PACRG: variants seen among roughly 807,000 people sequenced by gnomAD.
PACRG encodes parkin coregulated gene protein.
PACRG carries 29 observed loss-of-function variants against 29.7 expected under a neutral mutation model. The ratio of observed to expected loss-of-function variants is 0.98; its 90% CI spans 0.73 to 1.33. PACRG has a LOEUF of 1.33. Ranked by LOEUF, PACRG falls within the 40% of genes most tolerant of loss-of-function variation. The pLI, the probability that PACRG is intolerant of heterozygous loss-of-function variation, is 0.00. For missense variants in PACRG, 279 were observed against 316.2 expected, an observed-to-expected ratio of 0.88 and a Z score of 0.89; for synonymous variants, 116 against 118.7, an observed-to-expected ratio of 0.98 and a Z score of 0.15.
intron 2 of PACRG, among the ~76,000 whole-genome samples, chr6:162,839,675 A>G (rs1253226742): frequency 2.6e-5 from 4 of 152,100 alleles, no homozygotes; most frequent in Admixed American, 6.5e-5. Context: ...GCCCATGCCT[A>G]TGTCCTGAAT....
intron 3 of PACRG, among the ~76,000 whole-genome samples, chr6:163,086,783 G>A (rs1585181726): frequency 6.6e-6 from 1 of 152,110 alleles, no homozygotes; most frequent in African/African-American, 2.4e-5. Flanking sequence ...AAGCACTTAG[G>A]ATAAGTTTGA....
intron 3 of PACRG, among the ~76,000 whole-genome samples, chr6:163,083,383 T>G (rs1813256234): frequency 6.6e-6 from 1 of 152,204 alleles, no homozygotes; most frequent in Admixed American, 6.5e-5. Context: ...CTTCCTGCTT[T>G]TGCTTTAAGT....
chr6:162,771,128 T>C (rs974144895), intron 1 of PACRG, among the ~76,000 whole-genome samples: 1 of 152,192 alleles, frequency 6.6e-6, no homozygotes, highest in Non-Finnish European at 1.5e-5. Context: ...TTACTTATGA[T>C]GAAATAACCT....
At chr6:163,077,418 A>C (rs563906945) in intron 3 of PACRG, among the ~76,000 whole-genome samples, 6 of 152,320 alleles carry the variant, frequency 3.9e-5, no homozygotes, top group Admixed American at 3.9e-4. Flanking sequence ...AGGCGTGCAC[A>C]GACACAGCGG....
intron 4 of PACRG, among the ~76,000 whole-genome samples, chr6:163,181,555 A>G (rs1223041998): frequency 1.4e-5 from 2 of 143,104 alleles, no homozygotes; most frequent in Admixed American, 7.2e-5. Context: ...GCCCCTGGAA[A>G]TGGGTCCTCA....
At chr6:163,251,136 G>A (rs535405890) in intron 4 of PACRG, among the ~76,000 whole-genome samples, 1 of 151,950 alleles carries the variant, frequency 6.6e-6, no homozygotes, top group African/African-American at 2.4e-5. Context: ...TCAGGGATAA[G>A]AGAATACATG....
chr6:162,834,075 A>G (rs906617595), intron 2 of PACRG, among the ~76,000 whole-genome samples: 3 of 152,216 alleles, frequency 2.0e-5, no homozygotes, highest in African/African-American at 7.2e-5. Context: ...TGAAATGGAC[A>G]TAATGAATTT....
intron 4 of PACRG, among the ~76,000 whole-genome samples, chr6:163,116,459 G>T (rs573037290): frequency 3.3e-5 from 5 of 152,116 alleles, no homozygotes; most frequent in Non-Finnish European, 7.3e-5. Flanking sequence ...GTATCAAATG[G>T]GGGGGATGTG....
chr6:163,276,387 T>C (rs1230281206), intron 4 of PACRG, among the ~76,000 whole-genome samples: 3 of 152,114 alleles, frequency 2.0e-5, no homozygotes, highest in African/African-American at 7.2e-5. Flanking sequence ...ATAATTGGCA[T>C]TTTCCTTCAT....
intron 2 of PACRG, among the ~76,000 whole-genome samples, chr6:162,878,932 G>T (rs1180805423): frequency 6.6e-6 from 1 of 151,982 alleles, no homozygotes; most frequent in African/African-American, 2.4e-5. Flanking sequence ...TTATAGAATG[G>T]CTCTTTGTAT....
Position 162,814,318 on chromosome 6 carries a change from C to T in PACRG, c.291+37C>T, listed in dbSNP as rs200987111. ...CACAGCTGTGCCGGCCAGCTGCACC[C>T]GCTGAAGTGACATCTCCCAATGCCA... On this transcript the variant is annotated intron_variant, in intron 2 of 4. Transcript: ENST00000366888. 1.3e-4 allele frequency: 216 copies of T among 1,606,438 alleles called. No homozygotes were observed. The African/African-American group carries it at 2.1e-3, about 15-fold the overall frequency.
At chr6:163,149,980 T>C (rs1778009749) in intron 4 of PACRG, among the ~76,000 whole-genome samples, 1 of 152,210 alleles carries the variant, frequency 6.6e-6, no homozygotes, top group Non-Finnish European at 1.5e-5. Flanking sequence ...AGTTCCCCAT[T>C]TTTAATTTTC....
intron 4 of PACRG, among the ~76,000 whole-genome samples, chr6:163,299,708 G>A (rs1336599823): frequency 3.3e-5 from 5 of 152,070 alleles, no homozygotes; most frequent in Admixed American, 6.6e-5. Context: ...GTGAAACCCC[G>A]TCTCTACTAA....
At chr6:162,785,168 C>CAGAGAGAGAGAG (rs71008111) in intron 1 of PACRG, among the ~76,000 whole-genome samples, 25 of 138,126 alleles carry the variant, frequency 1.8e-4, no homozygotes, top group Middle Eastern at 3.8e-3. Flanking sequence ...ATGAGGGAGG[C>CAGAGAGAGAGAG]AGAGAGAGAG....
chr6:162,906,614 T>C (rs2128068078), intron 2 of PACRG, among the ~76,000 whole-genome samples: 1 of 152,200 alleles, frequency 6.6e-6, no homozygotes, highest in East Asian at 1.9e-4. Flanking sequence ...TTTCTCACGA[T>C]CTTCTTCATG....
intron 2 of PACRG, among the ~76,000 whole-genome samples, chr6:162,848,432 C>T (rs920580131): frequency 2.0e-5 from 3 of 152,180 alleles, no homozygotes; most frequent in South Asian, 2.1e-4. Context: ...AAATATCACA[C>T]GAGGTCTTGC....
At chr6:162,893,413 G>GA (rs1440662343) in intron 2 of PACRG, among the ~76,000 whole-genome samples, 2 of 152,154 alleles carry the variant, frequency 1.3e-5, no homozygotes, top group African/African-American at 4.8e-5. Flanking sequence ...AACTGAACTG[G>GA]AAACGGTGCG....
At chr6:162,846,759 A>G (rs956196818) in intron 2 of PACRG, among the ~76,000 whole-genome samples, 2 of 152,136 alleles carry the variant, frequency 1.3e-5, no homozygotes, top group African/African-American at 4.8e-5. Context: ...GTGGTGTGAA[A>G]TAATCTTGGC....
intron 4 of PACRG, among the ~76,000 whole-genome samples, chr6:163,116,283 C>T (rs897781508): frequency 1.3e-4 from 20 of 152,134 alleles, no homozygotes; most frequent in Non-Finnish European, 1.3e-4. Flanking sequence ...GCAGATACTA[C>T]GCACTATTAA....
Sources: allele counts gnomAD v4.1 joint callset (sites outside exome capture counted in the v4.1 genomes callset), GRCh38; gene constraint gnomAD v4.1.1; transcripts MANE v1.5; gene names NCBI Gene and HGNC (gene_info 2026-07-23, HGNC 2026-07-21).